The following IL1RAPL2 variants were observed in gnomAD, a reference collection of about 807,000 sequenced individuals.
The protein encoded by IL1RAPL2 is interleukin 1 receptor accessory protein like 2.
A neutral mutation model predicts 44.1 loss-of-function variants in IL1RAPL2; 3 were observed. The ratio of observed to expected loss-of-function variants is 0.07; its 90% CI spans 0.03 to 0.18. The LOEUF is 0.18. Among genes scored for constraint, IL1RAPL2 ranks in the 10% least tolerant of loss-of-function variants. The pLI, the probability that IL1RAPL2 is intolerant of heterozygous loss-of-function variation, is 1.00. For synonymous variants in IL1RAPL2, 181 were observed against 178.8 expected (o/e 1.01, Z -0.10); for missense variants, 391 against 496.4 (o/e 0.79, Z 2.02).
chrX:105,056,750 A>G (rs1342159213), intron 2 of IL1RAPL2, among the ~76,000 whole-genome samples: 1 of 112,261 alleles, frequency 8.9e-6, no homozygotes, highest in African/African-American at 3.2e-5. Context: ...ATTTCTTGCT[A>G]TCTGCCAAAA....
At chrX:104,867,062 C>G (rs182888477) in intron 2 of IL1RAPL2, among the ~76,000 whole-genome samples, 1 of 108,230 alleles carries the variant, frequency 9.2e-6, no homozygotes, top group South Asian at 4.1e-4. Flanking sequence ...GGTGAAACCC[C>G]GTCTTTACTA....
intron 2 of IL1RAPL2, among the ~76,000 whole-genome samples, chrX:104,842,048 T>C (rs953256507): frequency 9.0e-6 from 1 of 110,712 alleles, no homozygotes; most frequent in African/African-American, 3.3e-5. Flanking sequence ...GTTTGGTTTT[T>C]TCACATAGTC....
intron 2 of IL1RAPL2, among the ~76,000 whole-genome samples, chrX:105,096,788 G>A (rs1156765234): frequency 9.0e-6 from 1 of 111,660 alleles, no homozygotes; most frequent in African/African-American, 3.3e-5. Context: ...GCACAATCTC[G>A]TGAATATGCC....
intron 2 of IL1RAPL2, among the ~76,000 whole-genome samples, chrX:104,905,780 G>C (rs1248826665): frequency 9.0e-6 from 1 of 111,139 alleles, no homozygotes; most frequent in Non-Finnish European, 1.9e-5. Context: ...TTGACTTGGC[G>C]ATCTGGGCTC....
At chrX:105,105,729 G>T (rs1368346946) in intron 2 of IL1RAPL2, among the ~76,000 whole-genome samples, 1 of 111,929 alleles carries the variant, frequency 8.9e-6, no homozygotes, top group African/African-American at 3.2e-5. Flanking sequence ...TCCTATAAAG[G>T]TTTCCTTTCT....
At chrX:104,997,579 G>C (rs73635172) in intron 2 of IL1RAPL2, among the ~76,000 whole-genome samples, 6,268 of 111,422 alleles carry the variant, frequency 0.056, 454 homozygotes, top group African/African-American at 0.2. Flanking sequence ...TTAATTAAGA[G>C]ACTTTTTCAA....
chrX:105,099,453 CTTTTTTTTTTTTTTTT>C (rs36063657), intron 2 of IL1RAPL2, among the ~76,000 whole-genome samples: 1 of 35,833 alleles, frequency 2.8e-5, no homozygotes, highest in Non-Finnish European at 5.3e-5. Flanking sequence ...GTGCCACATA[CTTTTTTTTTTTTTTTT>C]TTTTTTTTTT....
chrX:104,944,757 G>A (rs370133336), intron 2 of IL1RAPL2, among the ~76,000 whole-genome samples: 1 of 110,984 alleles, frequency 9.0e-6, no homozygotes, highest in Non-Finnish European at 1.9e-5. Flanking sequence ...TCTGTGCCTC[G>A]GGATTTTTTA....
At chrX:104,910,702 GT>G (rs1266334232) in intron 2 of IL1RAPL2, among the ~76,000 whole-genome samples, 4 of 111,712 alleles carry the variant, frequency 3.6e-5, no homozygotes, top group Non-Finnish European at 7.5e-5. Context: ...GTTCCTAATA[GT>G]TTTTAAAAAT....
chrX:105,150,102 A>G (rs1257991566), intron 2 of IL1RAPL2, among the ~76,000 whole-genome samples: 1 of 110,933 alleles, frequency 9.0e-6, no homozygotes, highest in Non-Finnish European at 1.9e-5. Flanking sequence ...TTCAACATCA[A>G]TATAGAATCA....
chrX:104,727,179 G>T (rs1307412834), intron 2 of IL1RAPL2, among the ~76,000 whole-genome samples: 1 of 110,236 alleles, frequency 9.1e-6, no homozygotes, highest in Non-Finnish European at 1.9e-5. Context: ...CTTGCAAAAT[G>T]GGAGAAAGCA....
At chrX:105,315,944 G>A (rs1282655374) in intron 5 of IL1RAPL2, among the ~76,000 whole-genome samples, 1 of 109,571 alleles carries the variant, frequency 9.1e-6, no homozygotes, top group Non-Finnish European at 1.9e-5. Flanking sequence ...AACTAACACT[G>A]GGCAAATTAG....
chrX:104,787,359 C>T (rs1932804581), intron 2 of IL1RAPL2, among the ~76,000 whole-genome samples: 2 of 111,491 alleles, frequency 1.8e-5, no homozygotes, highest in Admixed American at 1.9e-4. Context: ...GTTTACATTT[C>T]TGGCTCGCCC....
At chrX:105,099,717 C>T (rs932784113) in intron 2 of IL1RAPL2, among the ~76,000 whole-genome samples, 8 of 108,983 alleles carry the variant, frequency 7.3e-5, no homozygotes, top group Non-Finnish European at 1.3e-4. Context: ...CCGCCAGTCT[C>T]GGCCTCCCAA....
At chrX:104,711,736 A>G (rs1233916885) in intron 2 of IL1RAPL2, among the ~76,000 whole-genome samples, 1 of 110,759 alleles carries the variant, frequency 9.0e-6, no homozygotes, top group Non-Finnish European at 1.9e-5. Context: ...ACCATGTCTA[A>G]TAGGGATTTA....
At position 105,110,384 on chromosome X, in the gene IL1RAPL2, A is replaced by C. The variant is rs777391382; in HGVS notation, c.83-85091A>C. Among the ~76,000 whole-genome samples, 4 of 112,088 alleles carry C rather than the reference A, an allele frequency of 3.6e-5. No homozygotes were observed. The South Asian group carries it at 1.5e-3, about 42-fold the overall frequency. Reference sequence around the variant, plus strand: ...CAATGTTCTCTGCTGTTACCTCTGAAGTCAGCATGAACATTTCCAGTACAG... The same window carrying C: ...CAATGTTCTCTGCTGTTACCTCTGACGTCAGCATGAACATTTCCAGTACAG... On this transcript the variant is annotated intron_variant, in intron 2 of 10. Coordinates refer to ENST00000372582, the MANE Select transcript of IL1RAPL2 (RefSeq NM_017416.2).
intron 1 of IL1RAPL2, among the ~76,000 whole-genome samples, chrX:104,638,843 G>T (rs766477595): frequency 8.9e-6 from 1 of 112,226 alleles, no homozygotes; most frequent in East Asian, 2.8e-4. Flanking sequence ...GAAGTTGCTG[G>T]ACAGAATGTT....
intron 2 of IL1RAPL2, among the ~76,000 whole-genome samples, chrX:104,915,533 A>G (rs1245399822): frequency 9.0e-6 from 1 of 110,502 alleles, no homozygotes; most frequent in East Asian, 2.8e-4. Context: ...GTTCACTCTG[A>G]TGGTAGTTTC....
At chrX:105,659,298 C>A (rs1356214396) in intron 6 of IL1RAPL2, among the ~76,000 whole-genome samples, 1 of 110,839 alleles carries the variant, frequency 9.0e-6, no homozygotes, top group East Asian at 2.8e-4. Flanking sequence ...TTTTTTGAAT[C>A]CAAGATAACA....
Sources: allele counts gnomAD v4.1 joint callset (sites outside exome capture counted in the v4.1 genomes callset), GRCh38; gene constraint gnomAD v4.1.1; transcripts MANE v1.5; gene names NCBI Gene and HGNC (gene_info 2026-07-23, HGNC 2026-07-21).